The following NAV2 variants were observed in gnomAD, a reference collection of about 807,000 sequenced individuals.
NAV2 encodes the protein neuron navigator 2.
In NAV2, 54 loss-of-function variants were observed where a neutral mutation model predicts 223.2. The ratio of observed to expected loss-of-function variants is 0.24; its 90% confidence interval spans 0.19 to 0.30. The LOEUF is 0.30. Ranked by LOEUF, NAV2 falls within the 10% of genes least tolerant of loss-of-function variation. The probability of loss-of-function intolerance (pLI) is 1.00; values close to 1 mark genes in which losing one functional copy is unlikely to be tolerated. For synonymous variants in NAV2, 1,279 were observed against 1,239.3 expected (o/e 1.03, Z -0.67); for missense variants, 2,806 against 3,147.5 (o/e 0.89, Z 2.60).
At chr11:19,413,176 T>G (rs1332904182) in intron 1 of NAV2, among the ~76,000 whole-genome samples, 1 of 151,964 alleles carries the variant, frequency 6.6e-6, no homozygotes, top group Non-Finnish European at 1.5e-5. Flanking sequence ...GCTAAGAACC[T>G]TGAAAAAAGG....
intron 1 of NAV2, among the ~76,000 whole-genome samples, chr11:19,491,053 G>T (rs1410772864): frequency 6.6e-6 from 1 of 152,114 alleles, no homozygotes; most frequent in African/African-American, 2.4e-5. Context: ...GGTCTCAAGA[G>T]TGGGCTTAAA....
intron 1 of NAV2, among the ~76,000 whole-genome samples, chr11:19,618,018 G>A (rs556167577): frequency 6.3e-4 from 96 of 152,180 alleles, no homozygotes; most frequent in African/African-American, 2.1e-3. Context: ...ATTACTTTAC[G>A]CTATTTTTCC....
At chr11:19,751,772 A>C (rs1055758649) in intron 1 of NAV2, among the ~76,000 whole-genome samples, 1 of 152,156 alleles carries the variant, frequency 6.6e-6, no homozygotes, top group African/African-American at 2.4e-5. Context: ...AAGCCCTGTG[A>C]AGGTTGGAGC....
intron 6 of NAV2, among the ~76,000 whole-genome samples, chr11:19,898,819 T>C (rs962781290): frequency 6.6e-6 from 1 of 152,242 alleles, no homozygotes; most frequent in Non-Finnish European, 1.5e-5. Context: ...AGCACTTTTA[T>C]CACTGTCTTC....
chr11:20,045,096 T>C lies in NAV2; in HGVS notation c.3328T>C (p.Ser1110Pro), dbSNP rs1365249127. The C allele has an allele frequency of 1.9e-6, 3 of 1,614,082 alleles. No individual in the cohort carries two copies. Among genetic ancestry groups the C allele is most frequent in the East Asian group, 4.5e-5 (2 of 44,866 alleles). ...ATCCAAAAAGCCCCTCCCCAGCAGCTCTAGGACACCTACTGCCAATGCCAA... is the reference window on the plus strand; with the variant it reads ...ATCCAAAAAGCCCCTCCCCAGCAGCCCTAGGACACCTACTGCCAATGCCAA... ...DESKKPLPSS[S>P]RTPTANANSF... The change falls in exon 14 of 38, where the codon TCT becomes CCT. Residue 1110 changes from serine (S) to proline (P), a missense_variant. By Grantham distance (74) the Ser-to-Pro change is moderately conservative. Around this residue, in one of 4 missense-constraint regions of NAV2, gnomAD observed 742 missense variants for 777.9 expected, o/e 0.95. Transcript: ENST00000349880.
chr11:19,487,858 CAA>C, intron 1 of NAV2, among the ~76,000 whole-genome samples: 1 of 3,700 alleles, frequency 2.7e-4, no homozygotes, highest in Non-Finnish European at 0.012. Context: ...TAAGAGACCC[CAA>C]AGTACAAAGT....
At chr11:19,441,023 G>A (rs1851381183) in intron 1 of NAV2, among the ~76,000 whole-genome samples, 1 of 152,180 alleles carries the variant, frequency 6.6e-6, no homozygotes, top group African/African-American at 2.4e-5. Flanking sequence ...TAAAACTGTG[G>A]CACATGATAC....
chr11:19,807,301 G>A (rs1387829891), intron 1 of NAV2, among the ~76,000 whole-genome samples: 1 of 152,172 alleles, frequency 6.6e-6, no homozygotes, highest in Non-Finnish European at 1.5e-5. Flanking sequence ...AAGCAGGAGA[G>A]TGAAAACAGC....
intron 6 of NAV2, among the ~76,000 whole-genome samples, chr11:19,925,225 T>A (rs1394745995): frequency 2.0e-4 from 30 of 152,304 alleles, no homozygotes; most frequent in Admixed American, 2.0e-3. Flanking sequence ...GTTCTGTAGG[T>A]TGCCTTTTTA....
rs1327786167 is a variant in NAV2, at chr11:20,082,735, G to T, written c.5326-272G>T. ...AACCTCATCTTCCCAACATCCATCT[G>T]CTGAGCCAGACTCTGTGTTGCTGTT... On this transcript the variant is annotated intron_variant, in intron 25 of 37. Transcript: ENST00000349880. 2.7e-5 allele frequency: 26 copies of T among 978,798 alleles called. No homozygotes were observed. The South Asian group carries it at 3.5e-4, about 13-fold the overall frequency. 60.6% of individuals were successfully genotyped at this position (978,798 alleles called of 1,614,324 possible). A position where few individuals can be genotyped will look rare whatever the true frequency, so the allele number is the denominator to read the frequency against.
chr11:19,395,103 G>A (rs1344550921), intron 1 of NAV2, among the ~76,000 whole-genome samples: 1 of 152,200 alleles, frequency 6.6e-6, no homozygotes, highest in Non-Finnish European at 1.5e-5. Flanking sequence ...CTGGTGCTGT[G>A]CTTTGGGACC....
chr11:19,718,853 C>T (rs1445136533), intron 1 of NAV2, among the ~76,000 whole-genome samples: 4 of 152,000 alleles, frequency 2.6e-5, no homozygotes, highest in African/African-American at 9.7e-5. Flanking sequence ...CATATATACA[C>T]ACAGATAACA....
chr11:19,598,121 C>T (rs1477739681), intron 1 of NAV2, among the ~76,000 whole-genome samples: 1 of 152,252 alleles, frequency 6.6e-6, no homozygotes, highest in Non-Finnish European at 1.5e-5. Context: ...ACAGGCACAG[C>T]CAGATGGAAG....
chr11:19,928,296 A>G (rs1172089732), intron 6 of NAV2, among the ~76,000 whole-genome samples: 1 of 152,228 alleles, frequency 6.6e-6, no homozygotes, highest in African/African-American at 2.4e-5. Context: ...ATGGCTAGTT[A>G]TCATTTTCCA....
At chr11:19,566,128 G>T (rs1590547478) in intron 1 of NAV2, among the ~76,000 whole-genome samples, 1 of 151,192 alleles carries the variant, frequency 6.6e-6, no homozygotes, top group African/African-American at 2.4e-5. Flanking sequence ...GAGTGCAGTG[G>T]CACCATCACA....
chr11:19,569,690 A>G (rs1416716407), intron 1 of NAV2, among the ~76,000 whole-genome samples: 1 of 152,184 alleles, frequency 6.6e-6, no homozygotes, highest in Non-Finnish European at 1.5e-5. Context: ...CTTCAAGGCA[A>G]GGAATCAGGA....
chr11:19,690,623 G>T (rs2049147176), intron 1 of NAV2, among the ~76,000 whole-genome samples: 1 of 152,218 alleles, frequency 6.6e-6, no homozygotes, highest in African/African-American at 2.4e-5. Flanking sequence ...GGGGACACAT[G>T]TGTTGGTTCC....
intron 1 of NAV2, among the ~76,000 whole-genome samples, chr11:19,770,815 CCTT>C (rs2055662201): frequency 6.6e-6 from 1 of 152,156 alleles, no homozygotes; most frequent in South Asian, 2.1e-4. Context: ...CAAAAGCTCT[CCTT>C]CTGGTAATAC....
intron 1 of NAV2, among the ~76,000 whole-genome samples, chr11:19,643,044 T>C (rs2047708921): frequency 6.6e-6 from 1 of 152,190 alleles, no homozygotes; most frequent in Non-Finnish European, 1.5e-5. Flanking sequence ...TCTGCATAGC[T>C]GCCATCTGGT....
Sources: gnomAD v4.1 joint callset for allele counts (sites outside exome capture counted in the v4.1 genomes callset) on GRCh38, gnomAD v4.1.1 for gene constraint, gnomAD v4.1.1 regional missense constraint, MANE v1.5 for transcripts, NCBI Gene and HGNC (gene_info 2026-07-23, HGNC 2026-07-21) for gene names.